The following SP110 variants were observed in gnomAD, a reference collection of about 807,000 sequenced individuals.
The protein encoded by SP110 is SP110 nuclear body protein.
In SP110, 62 loss-of-function variants were observed where a neutral mutation model predicts 92.7. The ratio of observed to expected loss-of-function variants is 0.67; its 90% CI spans 0.55 to 0.83. The LOEUF (loss-of-function observed/expected upper bound fraction) is 0.83. SP110 is among the 40% of genes least tolerant of loss of function. SP110 has a pLI of 0.00. For missense variants in SP110, 793 were observed against 863.9 expected (o/e 0.92, Z 1.03); for synonymous variants, 273 against 305.3 (o/e 0.89, Z 1.10).
intron 14 of SP110, chr2:230,176,653 G>A (rs2041872353): frequency 1.2e-6 from 2 of 1,613,602 alleles, no homozygotes; most frequent in South Asian, 2.2e-5. Flanking sequence ...TGACTGAGAG[G>A]GTAGTAGAAA....
chr2:230,170,639 G>GA lies in SP110; in HGVS notation c.2009_2010insT (p.His671ProfsTer2), dbSNP rs1227459989. ...TCTTTACCTTGTAAAATGTTTTATG[G>GA]TTGCGAAACATCAGGCGCATGTCTC... is the stretch of plus-strand genomic sequence containing the variant. On this transcript the variant is annotated frameshift_variant, in exon 18 of 19. Transcript: ENST00000258381. LOFTEE classifies it low-confidence loss of function (END_TRUNC). 1 of 1,614,050 alleles carries GA rather than the reference G, an allele frequency of 6.2e-7. No homozygotes were observed. The highest frequency in any genetic ancestry group is 1.3e-5 in the African/African-American group (1 of 74,986).
At chr2:230,194,863 C>A (rs893237939) in intron 10 of SP110, among the ~76,000 whole-genome samples, 4 of 152,028 alleles carry the variant, frequency 2.6e-5, no homozygotes, top group Non-Finnish European at 4.4e-5. Context: ...AGGTATAAAC[C>A]AAGTTGGTGT....
chr2:230,218,491 G>C lies in SP110; in HGVS notation c.-2+1383C>G, dbSNP rs117930254. Among the ~76,000 whole-genome samples the C allele has an allele frequency of 3.0e-4, 45 of 152,320 alleles. No individual in the cohort carries two copies. The East Asian group carries it at 6.6e-3, about 22-fold the overall frequency. On this transcript the variant is annotated intron_variant, in intron 1 of 18. Coordinates refer to ENST00000258381, the MANE Select transcript of SP110 (RefSeq NM_080424.4). ...ACAATATGCACAGGGGAAGGAGATA[G>C]TGCAAAGATCAGTGCAAAGTCAGAG...
At position 230,202,696 on chromosome 2, in the gene SP110, T is replaced by C; in HGVS notation, c.931A>G (p.Lys311Glu). Residue 311 changes from lysine (K) to glutamate (E), a missense_variant, in exon 9 of 19, where the codon AAG (lysine) becomes GAG (glutamate). Coordinates refer to ENST00000258381, the MANE Select transcript of SP110 (RefSeq NM_080424.4). ...GGAACCTGATCCACCCTTTTGAGCT[T>C]CTTTTGGATTCCGTGTCTAGATGAG... Reference protein sequence around the residue: ...TASSRHGIQKKLKRVDQVPQK... With the variant: ...TASSRHGIQKELKRVDQVPQK... 1 of 1,614,166 alleles carries C rather than the reference T, an allele frequency of 6.2e-7. No individual in the cohort carries two copies. The highest frequency in any genetic ancestry group is 8.5e-7 in the Non-Finnish European group (1 of 1,179,998).
upstream of SP110, among the ~76,000 whole-genome samples, chr2:230,224,602 G>A (rs1460536281): frequency 6.6e-6 from 1 of 152,162 alleles, no homozygotes; most frequent in Non-Finnish European, 1.5e-5. Flanking sequence ...CCAGATTGGT[G>A]TTTGTTCCTT....
chr2:230,174,763 T>C (rs1174160278), intron 14 of SP110, among the ~76,000 whole-genome samples: 1 of 152,264 alleles, frequency 6.6e-6, no homozygotes, highest in Non-Finnish European at 1.5e-5. Flanking sequence ...AGCATCGGTC[T>C]CTTTGTTGTA....
Position 230,202,675 on chromosome 2 carries a change from C to G in SP110, c.952G>C (p.Val318Leu), listed in dbSNP as rs201742692. The G allele has an allele frequency of 5.0e-5, 80 of 1,614,002 alleles. No homozygotes were observed. The highest frequency in any genetic ancestry group is 5.8e-5 in the Non-Finnish European group (68 of 1,179,984). Residue 318 changes from valine (V) to leucine (L), a missense_variant, in exon 9 of 19, where the codon GTT (valine) becomes CTT (leucine). Val to Leu is a conservative substitution (Grantham distance 32). Coordinates refer to ENST00000258381, the MANE Select transcript of SP110 (RefSeq NM_080424.4). ...IQKKLKRVDQ[V>L]PQKKDDSTCN... ...GTTGAGTCATCTTTCTTTTGAGGAA[C>G]CTGATCCACCCTTTTGAGCTTCTTT... is the stretch of plus-strand genomic sequence containing the variant.
At chr2:230,202,116 ATT>A (rs915940839) in intron 9 of SP110, among the ~76,000 whole-genome samples, 42 of 152,142 alleles carry the variant, frequency 2.8e-4, no homozygotes, top group Admixed American at 2.6e-3. Context: ...CTTTTCACTA[ATT>A]TTTTTTGTTT....
At chr2:230,221,552 A>G (rs1426701771), upstream of SP110, among the ~76,000 whole-genome samples, 3 of 152,254 alleles carry the variant, frequency 2.0e-5, no homozygotes, top group East Asian at 1.9e-4. Flanking sequence ...AAACAGAGGC[A>G]TGGAAGCCAC....
intron 14 of SP110, chr2:230,176,718 G>T: frequency 1.2e-6 from 2 of 1,614,104 alleles, no homozygotes; most frequent in East Asian, 4.5e-5. Context: ...CAGAGCAAAA[G>T]TCCACTCTGA....
At chr2:230,174,566 A>C (rs2041765899) in intron 14 of SP110, among the ~76,000 whole-genome samples, 1 of 152,142 alleles carries the variant, frequency 6.6e-6, no homozygotes, top group Admixed American at 6.5e-5. Flanking sequence ...CAAAACCCCA[A>C]AAGCTGTTCT....
chr2:230,195,593 G>A (rs2148817490), intron 10 of SP110, among the ~76,000 whole-genome samples: 1 of 152,116 alleles, frequency 6.6e-6, no homozygotes, highest in African/African-American at 2.4e-5. Context: ...GCCTCCCAAG[G>A]TGCTGGGATT....
rs1319106820 is a variant in SP110 at position 230,215,128 on chromosome 2, T to C, written c.148-10A>G. 1 of 1,609,284 alleles carries C rather than the reference T, an allele frequency of 6.2e-7. No individual in the cohort carries two copies. Among genetic ancestry groups the C allele is most frequent in the South Asian group, 1.1e-5 (1 of 90,916 alleles). On this transcript the variant is annotated splice_polypyrimidine_tract_variant and intron_variant, in intron 2 of 18. Coordinates refer to ENST00000258381, the MANE Select transcript of SP110 (RefSeq NM_080424.4). ...AGGCTTCCAGAGATTCCTATAAAAA[T>C]GGAGTGAAGGTTTTTATAAATGACT...
chr2:230,214,851 C>A (rs573064771), intron 3 of SP110, 99 bp downstream of exon 3: 3 of 976,106 alleles, frequency 3.1e-6, no homozygotes, highest in Non-Finnish European at 4.9e-6. Flanking sequence ...AGAGAGAAGG[C>A]GGGGGATTAA....
chr2:230,200,092 G>A (rs2043064392), intron 10 of SP110, among the ~76,000 whole-genome samples: 1 of 152,102 alleles, frequency 6.6e-6, no homozygotes, highest in Non-Finnish European at 1.5e-5. Flanking sequence ...TACTAGATAA[G>A]CCAGTGCAAT....
chr2:230,222,695 CAAA>C (rs34703280), upstream of SP110, among the ~76,000 whole-genome samples: 10 of 124,162 alleles, frequency 8.1e-5, no homozygotes, highest in Admixed American at 1.7e-4. Context: ...GACCCTGTCT[CAAA>C]AAAAAAAAAA....
Position 230,166,447 on chromosome 2 carries a change from C to A in SP110, c.*2677G>T, listed in dbSNP as rs934973558. ...AGTTATTTTACCGAGGTAGGATAAC[C>A]GTAAATCTGACTATGACAGTGTGTA... is the stretch of plus-strand genomic sequence containing the variant. On this transcript the variant is annotated 3_prime_UTR_variant, in exon 19 of 19. Coordinates refer to ENST00000258381, the MANE Select transcript of SP110 (RefSeq NM_080424.4). Among the ~76,000 whole-genome samples, 9 of 151,962 alleles carry A rather than the reference C, an allele frequency of 5.9e-5. No homozygotes were observed. Among genetic ancestry groups the A allele is most frequent in the African/African-American group, 2.2e-4 (9 of 41,380 alleles).
At chr2:230,193,027 G>A (rs1394010340) in intron 10 of SP110, among the ~76,000 whole-genome samples, 1 of 152,066 alleles carries the variant, frequency 6.6e-6, no homozygotes, top group Non-Finnish European at 1.5e-5. Flanking sequence ...ATGAATCTGG[G>A]AGCTCCAGTG....
chr2:230,207,235 A>G (rs1166747140), intron 8 of SP110, among the ~76,000 whole-genome samples: 2 of 152,118 alleles, frequency 1.3e-5, no homozygotes, highest in Admixed American at 6.5e-5. Flanking sequence ...TCCCTTATAC[A>G]TGAGTTGTAG....
Sources: gnomAD v4.1 joint callset for allele counts (sites outside exome capture counted in the v4.1 genomes callset) on GRCh38, gnomAD v4.1.1 for gene constraint, MANE v1.5 for transcripts, NCBI Gene and HGNC (gene_info 2026-07-23, HGNC 2026-07-21) for gene names.